Variants in UNC5C observed in about 807,000 individuals in gnomAD.
UNC5C encodes the protein unc-5 netrin receptor C.
UNC5C carries 47 observed loss-of-function variants against 99.8 expected under a neutral mutation model. The ratio of observed to expected loss-of-function variants is 0.47; its 90% CI spans 0.37 to 0.60. UNC5C has a LOEUF of 0.60. Among genes scored for constraint, UNC5C ranks in the 20% least tolerant of loss-of-function variants. The pLI, the probability that UNC5C is intolerant of heterozygous loss-of-function variation, is 0.00. For synonymous variants in UNC5C, 487 were observed against 452.2 expected (o/e 1.08, Z -0.98); for missense variants, 1,062 against 1,165.9 (o/e 0.91, Z 1.30).
intron 14 of UNC5C, among the ~76,000 whole-genome samples, chr4:95,174,209 T>C (rs1352978413): frequency 2.6e-5 from 4 of 152,202 alleles, no homozygotes; most frequent in Admixed American, 2.6e-4. Flanking sequence ...GATTCATTAA[T>C]TTTTTGAAGG....
At chr4:95,310,077 T>C (rs1742223440) in intron 2 of UNC5C, among the ~76,000 whole-genome samples, 1 of 152,120 alleles carries the variant, frequency 6.6e-6, no homozygotes, top group Non-Finnish European at 1.5e-5. Context: ...GAAAATGTGG[T>C]ACATATACAC....
chr4:95,523,567 G>C (rs1213446197), intron 1 of UNC5C, among the ~76,000 whole-genome samples: 2 of 151,638 alleles, frequency 1.3e-5, no homozygotes, highest in Admixed American at 6.6e-5. Flanking sequence ...TACTAGAGAG[G>C]GAGAGAGAGA....
Position 95,168,141 on chromosome 4 carries a change from C to G in UNC5C, c.*1093G>C, listed in dbSNP as rs936396578. ...AATATTAAGTGAACTTAATAGAGAACACGTCTCCTTAAGACTCCTCAGAGG... is the reference window on the plus strand; with the variant it reads ...AATATTAAGTGAACTTAATAGAGAAGACGTCTCCTTAAGACTCCTCAGAGG... On this transcript the variant is annotated 3_prime_UTR_variant, in exon 16 of 16. Coordinates refer to ENST00000453304, the MANE Select transcript of UNC5C (RefSeq NM_003728.4). 6 of 152,150 alleles carry G rather than the reference C, an allele frequency of 3.9e-5. No individual in the cohort carries two copies. Among genetic ancestry groups the G allele is most frequent in the Non-Finnish European group, 8.8e-5 (6 of 68,034 alleles). The allele number at this position is 152,150 out of a possible 1,614,324, so 9.4% of individuals were successfully genotyped here.
chr4:95,261,868 T>C (rs1383796413), intron 4 of UNC5C, among the ~76,000 whole-genome samples: 8 of 152,280 alleles, frequency 5.3e-5, no homozygotes, highest in African/African-American at 1.9e-4. Context: ...GATGCCCAGC[T>C]AATTTTTTCT....
At chr4:95,483,973 C>T (rs1395298853) in intron 1 of UNC5C, among the ~76,000 whole-genome samples, 2 of 151,748 alleles carry the variant, frequency 1.3e-5, no homozygotes, top group Non-Finnish European at 2.9e-5. Flanking sequence ...CCATTCTAGG[C>T]ATTAGGGTTT....
chr4:95,264,457 T>C (rs534775371), intron 4 of UNC5C, among the ~76,000 whole-genome samples: 7 of 152,260 alleles, frequency 4.6e-5, no homozygotes. Context: ...CATATGTCTG[T>C]TTCAACAAAC....
chr4:95,273,702 C>T (rs1349371521), intron 4 of UNC5C, among the ~76,000 whole-genome samples: 1 of 152,096 alleles, frequency 6.6e-6, no homozygotes, highest in Non-Finnish European at 1.5e-5. Flanking sequence ...TTAGAGTATT[C>T]CTGGGATTTG....
chr4:95,335,200 C>A (rs1431826675), intron 2 of UNC5C, among the ~76,000 whole-genome samples: 1 of 151,788 alleles, frequency 6.6e-6, no homozygotes, highest in Non-Finnish European at 1.5e-5. Flanking sequence ...TCATGTAGTC[C>A]AACAGGAAGC....
intron 12 of UNC5C, among the ~76,000 whole-genome samples, chr4:95,196,323 CCT>C (rs1737381957): frequency 6.6e-6 from 1 of 152,082 alleles, no homozygotes; most frequent in African/African-American, 2.4e-5. Context: ...ATAGACTTGA[CCT>C]CTCTATTTGA....
chr4:95,511,879 A>T (rs982061589), intron 1 of UNC5C, among the ~76,000 whole-genome samples: 1 of 152,314 alleles, frequency 6.6e-6, no homozygotes, highest in South Asian at 2.1e-4. Context: ...AAGTTGGGGA[A>T]GGGGCTACAT....
chr4:95,198,045 TG>T (rs1737504102), intron 12 of UNC5C, among the ~76,000 whole-genome samples: 1 of 144,814 alleles, frequency 6.9e-6, no homozygotes. Context: ...TGGAGTGCCG[TG>T]GTGCGATCTC....
intron 1 of UNC5C, among the ~76,000 whole-genome samples, chr4:95,458,919 A>G (rs537236519): frequency 6.6e-6 from 1 of 152,088 alleles, no homozygotes; most frequent in Non-Finnish European, 1.5e-5. Context: ...TTATCCCTTA[A>G]CATATAAATA....
intron 1 of UNC5C, among the ~76,000 whole-genome samples, chr4:95,459,751 A>G (rs1003457416): frequency 1.2e-4 from 18 of 152,204 alleles, no homozygotes; most frequent in Non-Finnish European, 2.4e-4. Flanking sequence ...AAGGTGGTTC[A>G]CCACATGATC....
chr4:95,496,684 T>A (rs73838902), intron 1 of UNC5C, among the ~76,000 whole-genome samples: 5,221 of 139,892 alleles, frequency 0.037, 161 homozygotes, highest in African/African-American at 0.096. Context: ...TGTACTTTTT[T>A]AATTTTTATT....
At chr4:95,314,594 A>G (rs1420462103) in intron 2 of UNC5C, among the ~76,000 whole-genome samples, 1 of 152,228 alleles carries the variant, frequency 6.6e-6, no homozygotes, top group Non-Finnish European at 1.5e-5. Flanking sequence ...AATTTTGGAC[A>G]GAATAAGCTA....
At chr4:95,257,404 C>CA (rs1300686844) in intron 4 of UNC5C, among the ~76,000 whole-genome samples, 3 of 150,450 alleles carry the variant, frequency 2.0e-5, no homozygotes, top group African/African-American at 4.9e-5. Flanking sequence ...ACACTGTCTC[C>CA]AAAAAACAGA....
At chr4:95,300,092 T>G (rs1450255417) in intron 3 of UNC5C, among the ~76,000 whole-genome samples, 1 of 152,124 alleles carries the variant, frequency 6.6e-6, no homozygotes, top group Non-Finnish European at 1.5e-5. Context: ...CAACACAAAA[T>G]AGAATTAGTA....
At chr4:95,453,777 A>C (rs1747351446) in intron 1 of UNC5C, among the ~76,000 whole-genome samples, 1 of 152,128 alleles carries the variant, frequency 6.6e-6, no homozygotes, top group African/African-American at 2.4e-5. Context: ...GAGAGATCAG[A>C]AGGCTGCTTA....
intron 1 of UNC5C, among the ~76,000 whole-genome samples, chr4:95,525,596 T>TAAAAACAAA (rs1722476855): frequency 9.8e-6 from 1 of 102,162 alleles, no homozygotes; most frequent in African/African-American, 4.0e-5. Flanking sequence ...GCCTATTTCT[T>TAAAAACAAA]AAAAAAAAAA....
Sources: gnomAD v4.1 joint callset for allele counts (sites outside exome capture counted in the v4.1 genomes callset) on GRCh38, gnomAD v4.1.1 for gene constraint, MANE v1.5 for transcripts, NCBI Gene and HGNC (gene_info 2026-07-23, HGNC 2026-07-21) for gene names.